LIN52: variants seen among roughly 807,000 people sequenced by gnomAD.
LIN52 encodes lin-52 DREAM MuvB core complex component.
LIN52 carries 4 observed loss-of-function variants against 18.5 expected under a neutral mutation model. That is an observed-to-expected ratio of 0.22 (90% CI 0.11 to 0.49). The LOEUF (loss-of-function observed/expected upper bound fraction) is 0.49. Ranked by LOEUF, LIN52 falls within the 20% of genes least tolerant of loss-of-function variation. LIN52 has a pLI of 0.97. For missense variants in LIN52, 102 were observed against 139.5 expected, an observed-to-expected ratio of 0.73 and a Z score of 1.35; for synonymous variants, 34 against 45.5, an observed-to-expected ratio of 0.75 and a Z score of 1.02.
chr14:74,166,052 C>T (rs1327565187), intron 5 of LIN52, among the ~76,000 whole-genome samples: 6 of 150,316 alleles, frequency 4.0e-5, no homozygotes, highest in East Asian at 4.0e-4. Context: ...CCACCATTCC[C>T]GGCTAATTTT....
At chr14:74,125,265 C>G (rs2061022247) in intron 5 of LIN52, among the ~76,000 whole-genome samples, 1 of 152,212 alleles carries the variant, frequency 6.6e-6, no homozygotes, top group Non-Finnish European at 1.5e-5. Context: ...TCCACATCCT[C>G]TCCAGCACCT....
chr14:74,112,038 G>A (rs1021662519), intron 5 of LIN52, among the ~76,000 whole-genome samples: 29 of 151,814 alleles, frequency 1.9e-4, no homozygotes, highest in African/African-American at 6.5e-4. Flanking sequence ...ACGCCACCAC[G>A]CCAGGCTAAT....
chr14:74,182,158 A>G (rs1965642), intron 5 of LIN52, among the ~76,000 whole-genome samples: 2 of 26,138 alleles, frequency 7.7e-5, no homozygotes, highest in African/African-American at 2.0e-4. Flanking sequence ...CCACAGGTGC[A>G]TGCCACCATG....
At chr14:74,196,826 G>A (rs779517167) in intron 5 of LIN52, among the ~76,000 whole-genome samples, 2 of 152,190 alleles carry the variant, frequency 1.3e-5, no homozygotes, top group Admixed American at 6.5e-5. Context: ...CAAGAGAAAA[G>A]TAGGGTATTA....
chr14:74,182,130 C>A (rs868677241), intron 5 of LIN52, among the ~76,000 whole-genome samples: 1 of 149,298 alleles, frequency 6.7e-6, no homozygotes, highest in Non-Finnish European at 1.5e-5. Context: ...CCCACCCCAG[C>A]CTTCTGAGTT....
At chr14:74,102,088 A>G (rs2060861746) in intron 5 of LIN52, among the ~76,000 whole-genome samples, 1 of 152,186 alleles carries the variant, frequency 6.6e-6, no homozygotes, top group Non-Finnish European at 1.5e-5. Context: ...GTTTACAAAT[A>G]AATTTAAGGC....
chr14:74,085,641 T>G (rs1020656172), intron 1 of LIN52: 1 of 152,196 alleles, frequency 6.6e-6, no homozygotes, highest in African/African-American at 2.4e-5. Flanking sequence ...TGTTGTTTCT[T>G]AAGGCTGAGT....
intron 5 of LIN52, among the ~76,000 whole-genome samples, chr14:74,153,195 G>A (rs547969534): frequency 1.8e-4 from 28 of 152,272 alleles, no homozygotes; most frequent in African/African-American, 6.7e-4. Context: ...TGAAGATTCA[G>A]ACAAGGAGAG....
At chr14:74,186,206 C>A (rs149443840) in intron 5 of LIN52, among the ~76,000 whole-genome samples, 1 of 151,614 alleles carries the variant, frequency 6.6e-6, no homozygotes, top group Non-Finnish European at 1.5e-5. Flanking sequence ...GCGGGAGAAT[C>A]GCTTGAACCC....
At position 74,176,249 on chromosome 14, in the gene LIN52, A is replaced by G. The variant is rs531412365; in HGVS notation, c.284-22673A>G. Among the ~76,000 whole-genome samples the G allele has an allele frequency of 9.2e-5, 14 of 151,846 alleles. No homozygotes were observed. In the South Asian group the frequency reaches 2.5e-3, roughly 27 times the overall value. Reference sequence around the variant, plus strand: ...GCAATCTCGGCTCACTGAAACTTCCACCTCCTGGGTTCAAGCAATTTCCGG... The same window carrying G: ...GCAATCTCGGCTCACTGAAACTTCCGCCTCCTGGGTTCAAGCAATTTCCGG... On this transcript the variant is annotated intron_variant, in intron 5 of 5. Coordinates refer to ENST00000555028, the MANE Select transcript of LIN52 (RefSeq NM_001024674.3).
chr14:74,171,399 AT>A (rs1170507039), intron 5 of LIN52, among the ~76,000 whole-genome samples: 1 of 151,446 alleles, frequency 6.6e-6, no homozygotes, highest in African/African-American at 2.4e-5. Flanking sequence ...AGTCTGTTGT[AT>A]TTTTTACACC....
chr14:74,142,207 C>G (rs2061134423), intron 5 of LIN52, among the ~76,000 whole-genome samples: 1 of 152,072 alleles, frequency 6.6e-6, no homozygotes, highest in Admixed American at 6.5e-5. Flanking sequence ...TTTTTTTTAA[C>G]TCGAAGCTCT....
intron 5 of LIN52, among the ~76,000 whole-genome samples, chr14:74,183,101 C>CTT (rs1317789271): frequency 2.3e-5 from 2 of 87,710 alleles, no homozygotes; most frequent in Non-Finnish European, 5.6e-5. Context: ...CTCTCTCTCT[C>CTT]TCTTTTTTTT....
chr14:74,100,656 AGTAGAGACAG>A (rs1670954849), intron 4 of LIN52, among the ~76,000 whole-genome samples: 1 of 152,074 alleles, frequency 6.6e-6, no homozygotes, highest in African/African-American at 2.4e-5. Flanking sequence ...TTCTATTTTT[AGTAGAGACAG>A]GGTTTCGCCA....
intron 5 of LIN52, among the ~76,000 whole-genome samples, chr14:74,111,835 G>A (rs1315509735): frequency 6.6e-6 from 1 of 151,444 alleles, no homozygotes; most frequent in African/African-American, 2.4e-5. Flanking sequence ...CTCTTGAACT[G>A]GATTTTTGAT....
chr14:74,160,517 C>T (rs2061219627), intron 5 of LIN52, among the ~76,000 whole-genome samples: 1 of 152,078 alleles, frequency 6.6e-6, no homozygotes, highest in Non-Finnish European at 1.5e-5. Flanking sequence ...ATTTCATGAT[C>T]ATTAGGTGAA....
rs1025140621 is a variant in LIN52 at position 74,118,868 on chromosome 14, C to T, written c.283+17630C>T. ...CCTTCCTCTCAAAGCATTACTGTGACTTATACTATCATAGAATAATTTTGT... is the reference window on the plus strand; with the variant it reads ...CCTTCCTCTCAAAGCATTACTGTGATTTATACTATCATAGAATAATTTTGT... On this transcript the variant is annotated intron_variant, in intron 5 of 5. Transcript: ENST00000555028. Among the ~76,000 whole-genome samples the T allele has an allele frequency of 1.1e-4, 16 of 152,314 alleles. 1 individual carries two copies. Among genetic ancestry groups the T allele is most frequent in the Admixed American group, 9.8e-4 (15 of 15,302 alleles).
At chr14:74,102,384 A>G (rs540673879) in intron 5 of LIN52, among the ~76,000 whole-genome samples, 29 of 152,328 alleles carry the variant, frequency 1.9e-4, no homozygotes, top group African/African-American at 6.7e-4. Context: ...TGAATTGGTT[A>G]TGGAATCAAG....
chr14:74,095,528 G>A (rs1327319001), intron 2 of LIN52, among the ~76,000 whole-genome samples: 1 of 152,086 alleles, frequency 6.6e-6, no homozygotes, highest in Non-Finnish European at 1.5e-5. Flanking sequence ...AAAATGCCCA[G>A]CCCTGATTTT....
Sources: allele counts gnomAD v4.1 joint callset (sites outside exome capture counted in the v4.1 genomes callset), GRCh38; gene constraint gnomAD v4.1.1; transcripts MANE v1.5; gene names NCBI Gene and HGNC (gene_info 2026-07-23, HGNC 2026-07-21).